Variants in PCP4L1 observed in about 807,000 individuals in gnomAD.
PCP4L1 encodes the protein Purkinje cell protein 4 like 1, also known as Purkinje cell protein 4-like protein 1.
A neutral mutation model predicts 9.6 loss-of-function variants in PCP4L1; 9 were observed. That is an observed-to-expected ratio of 0.94 (90% confidence interval 0.57 to 1.64). The LOEUF is 1.64. Among genes scored for constraint, PCP4L1 ranks in the 40% most tolerant of loss-of-function variants. The probability of loss-of-function intolerance (pLI) is 0.00; values close to 1 mark genes in which losing one functional copy is unlikely to be tolerated. For missense variants in PCP4L1, 81 were observed against 80.8 expected (o/e 1.00, Z -0.01); for synonymous variants, 31 against 28.2 (o/e 1.10, Z -0.31).
intron 1 of PCP4L1, among the ~76,000 whole-genome samples, chr1:161,281,701 C>A (rs1429222206): frequency 1.3e-5 from 2 of 151,086 alleles, no homozygotes; most frequent in Non-Finnish European, 3.0e-5. Context: ...GGGCTCCTCA[C>A]TTCTCAGACG....
At chr1:161,270,300 A>G (rs2102235001) in intron 1 of PCP4L1, among the ~76,000 whole-genome samples, 1 of 152,246 alleles carries the variant, frequency 6.6e-6, no homozygotes, top group South Asian at 2.1e-4. Flanking sequence ...CTGTCTCAAA[A>G]AATATATAAT....
chr1:161,260,485 C>G (rs541383571), intron 1 of PCP4L1, among the ~76,000 whole-genome samples: 1 of 152,322 alleles, frequency 6.6e-6, no homozygotes, highest in South Asian at 2.1e-4. Flanking sequence ...CCTCCCACCC[C>G]GAGCATTTCT....
At chr1:161,270,583 G>A (rs375921845) in intron 1 of PCP4L1, among the ~76,000 whole-genome samples, 6,689 of 50,118 alleles carry the variant, frequency 0.13, 248 homozygotes, top group Non-Finnish European at 0.16. Flanking sequence ...AAAAAAAAGA[G>A]AGACCCCAGG....
chr1:161,271,382 T>A (rs1669623939), intron 1 of PCP4L1, among the ~76,000 whole-genome samples: 1 of 152,228 alleles, frequency 6.6e-6, no homozygotes, highest in African/African-American at 2.4e-5. Context: ...TTTGCCCATT[T>A]AAAAAAACTG....
At chr1:161,282,906 G>A (rs534857956) in intron 1 of PCP4L1, among the ~76,000 whole-genome samples, 24 of 152,204 alleles carry the variant, frequency 1.6e-4, no homozygotes, top group Middle Eastern at 6.8e-3. Flanking sequence ...GCTGATTCAA[G>A]CTACCATCGT....
intron 1 of PCP4L1, among the ~76,000 whole-genome samples, chr1:161,260,196 A>AC (rs5778200): frequency 0.2 from 30,627 of 152,068 alleles, 3,782 homozygotes; most frequent in African/African-American, 0.34. Flanking sequence ...GAAGATCTCT[A>AC]TGACTCCTAC....
chr1:161,269,493 CAGAG>C (rs1669586813), intron 1 of PCP4L1, among the ~76,000 whole-genome samples: 1 of 152,106 alleles, frequency 6.6e-6, no homozygotes, highest in Admixed American at 6.5e-5. Flanking sequence ...GCAAATAAAA[CAGAG>C]AGCTCCCTTC....
intron 1 of PCP4L1, among the ~76,000 whole-genome samples, chr1:161,277,941 A>G (rs1251361974): frequency 6.6e-6 from 1 of 152,104 alleles, no homozygotes; most frequent in Non-Finnish European, 1.5e-5. Context: ...TCCTGCATCT[A>G]TTCCTTCATT....
chr1:161,276,589 G>A (rs1013702966), intron 1 of PCP4L1, among the ~76,000 whole-genome samples: 1 of 151,796 alleles, frequency 6.6e-6, no homozygotes, highest in Non-Finnish European at 1.5e-5. Flanking sequence ...GCTGAGGTGC[G>A]AGGATCGCTG....
Position 161,258,799 on chromosome 1 carries a change from G to C in PCP4L1, c.-176G>C. 1 of 1,040,412 alleles carries C rather than the reference G, an allele frequency of 9.6e-7. No individual in the cohort carries two copies. The highest frequency in any genetic ancestry group is 1.4e-5 in the South Asian group (1 of 69,564). The allele number at this position is 1,040,412 out of a possible 1,614,324, so 64.4% of individuals were successfully genotyped here. On this transcript the variant is annotated 5_prime_UTR_variant, in exon 1 of 3. Coordinates refer to ENST00000504449, the MANE Select transcript of PCP4L1 (RefSeq NM_001102566.2). ...GGTCGCCTGGCCGGAGCTGGGCTCC[G>C]AGAATCCCGGGTGCCAGCACCAGAG...
At chr1:161,271,459 A>T (rs1669624837) in intron 1 of PCP4L1, among the ~76,000 whole-genome samples, 1 of 152,114 alleles carries the variant, frequency 6.6e-6, no homozygotes, top group African/African-American at 2.4e-5. Context: ...TTTATCAGAT[A>T]TTTGATTTGC....
chr1:161,276,607 G>A (rs1370883376), intron 1 of PCP4L1, among the ~76,000 whole-genome samples: 1 of 151,806 alleles, frequency 6.6e-6, no homozygotes, highest in Non-Finnish European at 1.5e-5. Context: ...CTGGAGCCTG[G>A]GAGATCAAGG....
intron 1 of PCP4L1, among the ~76,000 whole-genome samples, chr1:161,276,681 TA>T (rs11312983): frequency 0.47 from 65,039 of 139,410 alleles, 14,948 homozygotes; most frequent in East Asian, 0.64. Flanking sequence ...ACTTATCTCT[TA>T]AAAAAAAAAA....
At chr1:161,272,558 C>CA (rs551047419) in intron 1 of PCP4L1, among the ~76,000 whole-genome samples, 16,022 of 71,602 alleles carry the variant, frequency 0.22, 1,161 homozygotes, top group Non-Finnish European at 0.27. Flanking sequence ...AACTCCGTCT[C>CA]AAAAAAAAAA....
At chr1:161,283,629 T>A in intron 1 of PCP4L1, 39 bp from the exon 2 acceptor site, 1 of 1,538,258 alleles carries the variant, frequency 6.5e-7, no homozygotes, top group Non-Finnish European at 8.8e-7. Flanking sequence ...ATTACTTCCA[T>A]GAATATCTAA....
At position 161,263,022 on chromosome 1, in the gene PCP4L1, C is replaced by T. The variant is rs115100039; in HGVS notation, c.9+4039C>T. 6.2e-3 allele frequency among the ~76,000 whole-genome samples: 941 copies of T among 152,180 alleles called. 15 individuals are homozygous for T. Among genetic ancestry groups the T allele is most frequent in the African/African-American group, 0.022 (902 of 41,492 alleles). ...AAAATATCAAAACATTTTAGTGATG[C>T]GATTTTAGATTTGTTAAGGAACGCT... is the stretch of plus-strand genomic sequence containing the variant. On this transcript the variant is annotated intron_variant, in intron 1 of 2. Transcript: ENST00000504449.
Position 161,258,843 on chromosome 1 carries a change from ACTCTC to A in PCP4L1, c.-124_-120del. 1 of 1,366,426 alleles carries A rather than the reference ACTCTC, an allele frequency of 7.3e-7. No individual in the cohort carries two copies. Among genetic ancestry groups the A allele is most frequent in the South Asian group, 1.3e-5 (1 of 79,826 alleles). 84.6% of individuals were successfully genotyped at this position (1,366,426 alleles called of 1,614,324 possible). On this transcript the variant is annotated 5_prime_UTR_variant, in exon 1 of 3. Transcript: ENST00000504449. ...ACCAGAGCAGCGGCTCTCCGCACTA[ACTCTC>A]CTCTCCTGGTCAGCTGTAACCCCTG...
chr1:161,277,890 A>C (rs1023000749), intron 1 of PCP4L1, among the ~76,000 whole-genome samples: 3 of 152,232 alleles, frequency 2.0e-5, no homozygotes, highest in African/African-American at 7.2e-5. Context: ...AATGGAAACA[A>C]TCAGAAGAAA....
At chr1:161,281,521 C>G (rs1398124674) in intron 1 of PCP4L1, among the ~76,000 whole-genome samples, 1 of 150,984 alleles carries the variant, frequency 6.6e-6, no homozygotes, top group Non-Finnish European at 1.5e-5. Flanking sequence ...GGGCTGACCC[C>G]CCACCTCCCT....
Sources: gnomAD v4.1 joint callset for allele counts (sites outside exome capture counted in the v4.1 genomes callset) on GRCh38, gnomAD v4.1.1 for gene constraint, MANE v1.5 for transcripts, NCBI Gene and HGNC (gene_info 2026-07-23, HGNC 2026-07-21) for gene names.